GALNTL6: variants seen among roughly 807,000 people sequenced by gnomAD.
GALNTL6 encodes the protein polypeptide N-acetylgalactosaminyltransferase-like 6.
In GALNTL6, 46 loss-of-function variants were observed where a neutral mutation model predicts 73.7. The ratio of observed to expected loss-of-function variants is 0.62; its 90% CI spans 0.49 to 0.80. The LOEUF is 0.80. Among genes scored for constraint, GALNTL6 ranks in the 30% least tolerant of loss-of-function variants. GALNTL6 has a pLI of 0.00. For missense variants in GALNTL6, 604 were observed against 755.0 expected (o/e 0.80, Z 2.34); for synonymous variants, 259 against 263.7 (o/e 0.98, Z 0.17).
At chr4:172,776,714 C>T (rs908710609) in intron 5 of GALNTL6, among the ~76,000 whole-genome samples, 3 of 152,156 alleles carry the variant, frequency 2.0e-5, no homozygotes, top group African/African-American at 4.8e-5. Context: ...GGTTGCTTAT[C>T]GCTAAGGTGC....
intron 5 of GALNTL6, among the ~76,000 whole-genome samples, chr4:172,371,372 G>A (rs1742803266): frequency 6.6e-6 from 1 of 152,246 alleles, no homozygotes; most frequent in African/African-American, 2.4e-5. Context: ...TGGCCTCAGT[G>A]CTTTCGGGCT....
chr4:172,606,772 G>A (rs1229843011), intron 5 of GALNTL6, among the ~76,000 whole-genome samples: 11 of 148,978 alleles, frequency 7.4e-5, no homozygotes, highest in Non-Finnish European at 1.6e-4. Context: ...GCAAGGATCT[G>A]AACTAATTGG....
intron 5 of GALNTL6, among the ~76,000 whole-genome samples, chr4:172,448,649 C>G (rs998078168): frequency 6.6e-6 from 1 of 152,174 alleles, no homozygotes; most frequent in Non-Finnish European, 1.5e-5. Context: ...ATATTATTGA[C>G]AACGCTTTTT....
At chr4:172,934,387 T>A (rs1469476974) in intron 9 of GALNTL6, among the ~76,000 whole-genome samples, 1 of 152,032 alleles carries the variant, frequency 6.6e-6, no homozygotes, top group Non-Finnish European at 1.5e-5. Context: ...TTCAACTTAA[T>A]AACATCTTTT....
intron 5 of GALNTL6, among the ~76,000 whole-genome samples, chr4:172,526,178 T>C (rs1188125764): frequency 6.6e-6 from 1 of 152,188 alleles, no homozygotes; most frequent in Non-Finnish European, 1.5e-5. Context: ...ACTTATAGCT[T>C]CCTATTTATA....
At chr4:172,007,796 T>C (rs1305957674) in intron 2 of GALNTL6, among the ~76,000 whole-genome samples, 1 of 152,198 alleles carries the variant, frequency 6.6e-6, no homozygotes, top group Non-Finnish European at 1.5e-5. Context: ...CATTTTAGGA[T>C]ATCTCCCCTT....
At chr4:172,240,569 T>C (rs1445914306) in intron 3 of GALNTL6, among the ~76,000 whole-genome samples, 2 of 152,172 alleles carry the variant, frequency 1.3e-5, no homozygotes, top group Non-Finnish European at 2.9e-5. Flanking sequence ...AATTTACTTT[T>C]GTCTGACTAA....
At chr4:172,961,408 G>T (rs983282584) in intron 10 of GALNTL6, among the ~76,000 whole-genome samples, 1 of 152,046 alleles carries the variant, frequency 6.6e-6, no homozygotes, top group African/African-American at 2.4e-5. Flanking sequence ...GAGATAAGGG[G>T]TTGGGGGTTC....
chr4:172,971,537 G>A (rs1210687591), intron 10 of GALNTL6, among the ~76,000 whole-genome samples: 1 of 152,170 alleles, frequency 6.6e-6, no homozygotes, highest in African/African-American at 2.4e-5. Context: ...GAAAGTGAGT[G>A]GAAAGCAGAA....
intron 5 of GALNTL6, among the ~76,000 whole-genome samples, chr4:172,496,470 G>A (rs1279413214): frequency 1.3e-5 from 2 of 152,024 alleles, no homozygotes; most frequent in Non-Finnish European, 2.9e-5. Flanking sequence ...TGGGAGAATC[G>A]CTTGGGACCA....
intron 10 of GALNTL6, among the ~76,000 whole-genome samples, chr4:172,986,033 A>G (rs1751274124): frequency 6.6e-6 from 1 of 152,222 alleles, no homozygotes; most frequent in Non-Finnish European, 1.5e-5. Context: ...AAATTAAATT[A>G]TAAACTCAAT....
chr4:172,306,688 C>A (rs540499057), intron 3 of GALNTL6, among the ~76,000 whole-genome samples: 1 of 152,260 alleles, frequency 6.6e-6, no homozygotes, highest in South Asian at 2.1e-4. Context: ...ATCATAGCTC[C>A]CACTTACAAG....
intron 5 of GALNTL6, among the ~76,000 whole-genome samples, chr4:172,603,747 T>C (rs144152115): frequency 6.6e-5 from 10 of 152,376 alleles, no homozygotes; most frequent in African/African-American, 2.2e-4. Flanking sequence ...CTGATTTCTA[T>C]ATGTCAATGC....
intron 5 of GALNTL6, among the ~76,000 whole-genome samples, chr4:172,678,828 T>C (rs544316064): frequency 5.9e-5 from 9 of 152,268 alleles, no homozygotes; most frequent in Admixed American, 5.2e-4. Context: ...GAAAATATAT[T>C]CTCCCACCAA....
chr4:172,853,894 C>A (rs1288932061), intron 7 of GALNTL6, among the ~76,000 whole-genome samples: 4 of 152,112 alleles, frequency 2.6e-5, no homozygotes, highest in Non-Finnish European at 5.9e-5. Flanking sequence ...AGAGAAGATT[C>A]AATGACCTCT....
At chr4:172,107,027 C>A (rs142050886) in intron 2 of GALNTL6, among the ~76,000 whole-genome samples, 1 of 152,168 alleles carries the variant, frequency 6.6e-6, no homozygotes, top group Non-Finnish European at 1.5e-5. Context: ...GCATGTGCCA[C>A]CACGCCCGGA....
chr4:172,672,950 T>A (rs1331005506), intron 5 of GALNTL6, among the ~76,000 whole-genome samples: 5 of 152,190 alleles, frequency 3.3e-5, no homozygotes, highest in African/African-American at 9.6e-5. Flanking sequence ...TCTATTTTTT[T>A]ATTAATTTTT....
chr4:172,385,641 C>T (rs558071154), intron 5 of GALNTL6, among the ~76,000 whole-genome samples: 66 of 151,864 alleles, frequency 4.3e-4, no homozygotes, highest in Non-Finnish European at 2.9e-5. Context: ...TTTTTACTGT[C>T]AACCTATTAT....
intron 5 of GALNTL6, among the ~76,000 whole-genome samples, chr4:172,636,119 A>T (rs545034530): frequency 6.6e-6 from 1 of 152,150 alleles, no homozygotes; most frequent in Non-Finnish European, 1.5e-5. Flanking sequence ...CATTTGCTCT[A>T]CCATACAACT....
Sources: gnomAD v4.1 joint callset for allele counts (sites outside exome capture counted in the v4.1 genomes callset) on GRCh38, gnomAD v4.1.1 for gene constraint, MANE v1.5 for transcripts, NCBI Gene and HGNC (gene_info 2026-07-23, HGNC 2026-07-21) for gene names.